The following ARHGAP26 variants were observed in gnomAD, a reference collection of about 807,000 sequenced individuals.
The protein encoded by ARHGAP26 is rho GTPase-activating protein 26.
Under a neutral mutation model 104.8 loss-of-function variants are expected in ARHGAP26, and 38 were observed. That is an observed-to-expected ratio of 0.36 (90% CI 0.28 to 0.48). The LOEUF (loss-of-function observed/expected upper bound fraction) is 0.48, where lower values mean the gene tolerates loss of function less well. Among genes scored for constraint, ARHGAP26 ranks in the 20% least tolerant of loss-of-function variants. The pLI, the probability that ARHGAP26 is intolerant of heterozygous loss-of-function variation, is 0.99. For missense variants in ARHGAP26, 704 were observed against 947.9 expected, an observed-to-expected ratio of 0.74 and a Z score of 3.38; for synonymous variants, 341 against 340.0, an observed-to-expected ratio of 1.00 and a Z score of -0.03.
At chr5:143,139,860 G>T (rs1798312215) in intron 19 of ARHGAP26, among the ~76,000 whole-genome samples, 1 of 152,200 alleles carries the variant, frequency 6.6e-6, no homozygotes, top group Non-Finnish European at 1.5e-5. Flanking sequence ...CACACGCTGT[G>T]CTTTTTCTGG....
intron 1 of ARHGAP26, among the ~76,000 whole-genome samples, chr5:142,824,180 G>A (rs1766760974): frequency 6.6e-6 from 1 of 152,142 alleles, no homozygotes; most frequent in African/African-American, 2.4e-5. Flanking sequence ...GCGTTCCCAT[G>A]CTCTGTGTCT....
intron 20 of ARHGAP26, among the ~76,000 whole-genome samples, chr5:143,160,474 G>GTT (rs201337868): frequency 0.34 from 32,202 of 95,220 alleles, 4,150 homozygotes; most frequent in Middle Eastern, 0.43. Flanking sequence ...TGCTTTTGGT[G>GTT]GTTTTTTTTT....
Position 142,892,746 on chromosome 5 carries a change from C to G in ARHGAP26, c.487-1492C>G, listed in dbSNP as rs545543865. Among the ~76,000 whole-genome samples the G allele has an allele frequency of 6.4e-4, 97 of 151,998 alleles. No individual in the cohort carries two copies. In the South Asian group the frequency reaches 0.02, roughly 31 times the overall value. On this transcript the variant is annotated intron_variant, in intron 5 of 22. Transcript: ENST00000645722. Reference sequence around the variant, plus strand: ...GGCATGTATACTATTTTGATATATGCCTATAATGTGTAATGATCAAATCAA... The same window carrying G: ...GGCATGTATACTATTTTGATATATGGCTATAATGTGTAATGATCAAATCAA...
rs73799015 is a variant in ARHGAP26, at chr5:142,874,328, G to A, written c.251-782G>A. Among the ~76,000 whole-genome samples, 392 of 152,312 alleles carry A rather than the reference G, an allele frequency of 2.6e-3. 5 individuals are homozygous for A. Among genetic ancestry groups the A allele is most frequent in the African/African-American group, 8.8e-3 (367 of 41,558 alleles). ...CCTTGGTTGACTCCATTAAATGAGC[G>A]AGAATTGAGAAAGTTTTATTGGATT... On this transcript the variant is annotated intron_variant, in intron 2 of 22. Transcript: ENST00000645722.
chr5:143,125,784 T>G (rs1448380435), intron 18 of ARHGAP26, among the ~76,000 whole-genome samples: 1 of 152,174 alleles, frequency 6.6e-6, no homozygotes, highest in African/African-American at 2.4e-5. Context: ...TACAAGATAT[T>G]GTGCTAAGCA....
intron 1 of ARHGAP26, among the ~76,000 whole-genome samples, chr5:142,785,255 C>T (rs546657898): frequency 9.2e-5 from 14 of 152,316 alleles, no homozygotes; most frequent in African/African-American, 2.9e-4. Context: ...CTATCTGCTT[C>T]GTCTCTTGAT....
chr5:143,026,647 CTGGGGCTAGACCATG>C, intron 12 of ARHGAP26, among the ~76,000 whole-genome samples: 1 of 152,168 alleles, frequency 6.6e-6, no homozygotes, highest in East Asian at 1.9e-4. Context: ...GTCAGGTAGG[CTGGGGCTAGACCATG>C]TGGGGCCAGG....
intron 10 of ARHGAP26, chr5:142,919,061 G>T: frequency 7.6e-6 from 3 of 396,348 alleles, no homozygotes; most frequent in East Asian, 7.1e-5. Flanking sequence ...AGATTAAATT[G>T]TGTCCCTGCC....
At chr5:142,932,224 G>A in intron 11 of ARHGAP26, 99 bp downstream of exon 11, 2 of 1,145,842 alleles carry the variant, frequency 1.7e-6, no homozygotes, top group Non-Finnish European at 2.6e-6. Context: ...AAAGCCTTGG[G>A]TTCTTGAAAC....
intron 20 of ARHGAP26, among the ~76,000 whole-genome samples, chr5:143,153,831 G>A (rs754988219): frequency 1.3e-5 from 2 of 152,178 alleles, no homozygotes; most frequent in African/African-American, 4.8e-5. Flanking sequence ...TGACCTAAAA[G>A]ACGCACGCAT....
At chr5:142,898,039 T>A (rs1251408380) in intron 6 of ARHGAP26, among the ~76,000 whole-genome samples, 1 of 152,164 alleles carries the variant, frequency 6.6e-6, no homozygotes, top group Non-Finnish European at 1.5e-5. Context: ...TGAAAGTAAC[T>A]TCAAGTACCA....
At position 143,114,947 on chromosome 5, in the gene ARHGAP26, A is replaced by T. The variant is rs558785866; in HGVS notation, c.1539-6041A>T. ...CTAGGGGCATGATGTTGTTGGTGTC[A>T]TGAAGGCAGAGTGAGTTTGGTGGCT... On this transcript the variant is annotated intron_variant, in intron 17 of 22. Coordinates refer to ENST00000645722, the MANE Select transcript of ARHGAP26 (RefSeq NM_001135608.3). 7.9e-5 allele frequency among the ~76,000 whole-genome samples: 12 copies of T among 152,274 alleles called. No individual in the cohort carries two copies. In the South Asian group the frequency reaches 1.9e-3, roughly 24 times the overall value.
chr5:143,111,356 C>T (rs1462715224), intron 17 of ARHGAP26, among the ~76,000 whole-genome samples: 1 of 152,184 alleles, frequency 6.6e-6, no homozygotes, highest in Non-Finnish European at 1.5e-5. Context: ...CATTTAAGAG[C>T]AGTAGATTTG....
chr5:143,058,361 T>C (rs1373135464), intron 17 of ARHGAP26, among the ~76,000 whole-genome samples: 1 of 152,246 alleles, frequency 6.6e-6, no homozygotes, highest in Non-Finnish European at 1.5e-5. Context: ...AATACTCACT[T>C]GTCCTCTGAG....
intron 18 of ARHGAP26, among the ~76,000 whole-genome samples, chr5:143,132,015 GT>G (rs1312380976): frequency 1.3e-5 from 2 of 152,132 alleles, no homozygotes; most frequent in African/African-American, 2.4e-5. Flanking sequence ...GAAGTTAGGA[GT>G]TTTTTCTTGC....
intron 20 of ARHGAP26, among the ~76,000 whole-genome samples, chr5:143,206,448 C>T (rs1323765560): frequency 1.3e-5 from 2 of 152,196 alleles, no homozygotes; most frequent in South Asian, 2.1e-4. Flanking sequence ...ATTAGCTACC[C>T]GTCAAGGAAC....
intron 10 of ARHGAP26, among the ~76,000 whole-genome samples, chr5:142,927,479 G>C (rs1190117127): frequency 6.6e-6 from 1 of 152,030 alleles, no homozygotes; most frequent in African/African-American, 2.4e-5. Context: ...AGATTCATTC[G>C]TGTTGTTGCA....
chr5:142,802,613 C>T (rs1321709258), intron 1 of ARHGAP26, among the ~76,000 whole-genome samples: 2 of 152,244 alleles, frequency 1.3e-5, no homozygotes, highest in Non-Finnish European at 1.5e-5. Context: ...TAATTGTAAT[C>T]GTCAGTTGAA....
intron 1 of ARHGAP26, among the ~76,000 whole-genome samples, chr5:142,789,898 T>C (rs2151902158): frequency 6.6e-6 from 1 of 152,328 alleles, no homozygotes; most frequent in East Asian, 1.9e-4. Flanking sequence ...GCTGTATTTC[T>C]GAAGTCATTT....
Sources: gnomAD v4.1 joint callset for allele counts (sites outside exome capture counted in the v4.1 genomes callset) on GRCh38, gnomAD v4.1.1 for gene constraint, MANE v1.5 for transcripts, NCBI Gene and HGNC (gene_info 2026-07-23, HGNC 2026-07-21) for gene names.